The following DHX58 variants were observed in gnomAD, a reference collection of about 807,000 sequenced individuals.
The protein encoded by DHX58 is DExH-box helicase 58, also known as ATP-dependent RNA helicase DHX58.
In DHX58, 51 loss-of-function variants were observed where a neutral mutation model predicts 65.0. The observed-to-expected ratio is 0.78, with a 90% CI of 0.63 to 0.99. The LOEUF is 0.99. DHX58 is among the 50% of genes least tolerant of loss of function. The probability of loss-of-function intolerance (pLI) is 0.00; values close to 1 mark genes in which losing one functional copy is unlikely to be tolerated. For missense variants in DHX58, 773 were observed against 891.8 expected (o/e 0.87, Z 1.70); for synonymous variants, 350 against 365.0 (o/e 0.96, Z 0.47).
At chr17:42,102,857 G>A (rs1349404324) in intron 12 of DHX58, 1 of 151,902 alleles carries the variant, frequency 6.6e-6, no homozygotes, top group Non-Finnish European at 1.5e-5. Flanking sequence ...GTGCAGTGGT[G>A]CGATCTTGGC....
At chr17:42,106,258 AAGAG>A (rs375238027) in intron 8 of DHX58, among the ~76,000 whole-genome samples, 13 of 144,750 alleles carry the variant, frequency 9.0e-5, no homozygotes, top group African/African-American at 2.6e-4. Context: ...AAGGAAAAGA[AAGAG>A]AGAGAGAAAG....
intron 7 of DHX58, 77 bp from the exon 8 acceptor site, chr17:42,107,872 A>C: frequency 6.4e-7 from 1 of 1,552,260 alleles, no homozygotes. Context: ...GTCCCACTCG[A>C]CTCCACCCCT....
chr17:42,107,646 G>C lies in DHX58; in HGVS notation c.955C>G (p.Gln319Glu), dbSNP rs570220900. 3.0e-5 allele frequency: 48 copies of C among 1,612,926 alleles called. No individual in the cohort carries two copies. The highest frequency in any genetic ancestry group is 3.3e-4 in the Middle Eastern group (2 of 6,056). The part of the protein sequence containing the change: ...FYHREHVTKT[Q>E]ILCAERRLLA... ...AGCCGGCGCTCGGCACACAGGATCT[G>C]GGTTTTAGTGACGTGCTCCCTGTGA... The change falls in exon 8 of 14, where the codon CAG (glutamine) becomes GAG (glutamate). Residue 319 changes from glutamine to glutamate, a missense_variant. Physicochemically the swap from Gln to Glu is conservative, Grantham distance 29 (BLOSUM62 2). Transcript: ENST00000251642.
At chr17:42,104,646 C>T in intron 11 of DHX58, 120 bp downstream of exon 11, 6 of 1,400,566 alleles carry the variant, frequency 4.3e-6, no homozygotes, top group Non-Finnish European at 5.7e-6. Context: ...CCCTAGGTGG[C>T]CAAAGTTAGC....
At chr17:42,107,183 A>G (rs2074155) in intron 8 of DHX58, among the ~76,000 whole-genome samples, 51,527 of 151,962 alleles carry the variant, frequency 0.34, 14,245 homozygotes, top group African/African-American at 0.77. Flanking sequence ...GCAACAAAGC[A>G]AGACTCCGCC....
intron 13 of DHX58, 29 bp downstream of exon 13, chr17:42,102,186 TG>T (rs1322263773): frequency 7.4e-6 from 12 of 1,611,398 alleles, no homozygotes; most frequent in Non-Finnish European, 1.0e-5. Flanking sequence ...CTGAGGACTC[TG>T]GGGCCTGGGA....
intron 6 of DHX58, 126 bp from the exon 7 acceptor site, chr17:42,108,234 G>A (rs1378651821): frequency 1.1e-5 from 16 of 1,436,246 alleles, no homozygotes; most frequent in Admixed American, 1.0e-4. Flanking sequence ...TGTGGTGTGA[G>A]CTCCAGAGGG....
At chr17:42,109,159 T>C (rs977475600) in intron 6 of DHX58, 111 bp downstream of exon 6, 4 of 847,660 alleles carry the variant, frequency 4.7e-6, no homozygotes, top group South Asian at 1.9e-5. Context: ...CTTGGATACA[T>C]AGCAAGTGAC....
At position 42,107,632 on chromosome 17, in the gene DHX58, G is replaced by C; in HGVS notation, c.969C>G (p.Ala323=). Residue 323 remains alanine, a synonymous_variant, in exon 8 of 14, where the codon GCC becomes GCG. Coordinates refer to ENST00000251642, the MANE Select transcript of DHX58 (RefSeq NM_024119.3). ...EHVTKTQILC[A]ERRLLALFDD... is the part of the protein sequence containing the mutation. Reference sequence around the variant, plus strand: ...CGAACAGGGCCAGCAGCCGGCGCTCGGCACACAGGATCTGGGTTTTAGTGA... The same window carrying C: ...CGAACAGGGCCAGCAGCCGGCGCTCCGCACACAGGATCTGGGTTTTAGTGA... 1.3e-6 allele frequency: 2 copies of C among 1,594,344 alleles called. No homozygotes were observed. Among genetic ancestry groups the C allele is most frequent in the Non-Finnish European group, 1.7e-6 (2 of 1,167,834 alleles).
chr17:42,103,855 G>A, intron 11 of DHX58, 57 bp from the exon 12 acceptor site: 1 of 1,537,934 alleles, frequency 6.5e-7, no homozygotes, highest in Non-Finnish European at 8.8e-7. Flanking sequence ...TTCCTTGGGG[G>A]ACAAAAGGTT....
Position 42,102,327 on chromosome 17 carries a change from G to C in DHX58, c.1755-15C>G. The C allele has an allele frequency of 1.2e-6, 2 of 1,608,394 alleles. No homozygotes were observed. The highest frequency in any genetic ancestry group is 1.7e-6 in the Non-Finnish European group (2 of 1,174,866). On this transcript the variant is annotated splice_polypyrimidine_tract_variant and intron_variant, in intron 12 of 13. Coordinates refer to ENST00000251642, the MANE Select transcript of DHX58 (RefSeq NM_024119.3). Reference sequence around the variant, plus strand: ...TATAGTAGTTCCTGGAGAGGAAGGGGGGTGGCCACAGCCCTCATTGACCCT... The same window carrying C: ...TATAGTAGTTCCTGGAGAGGAAGGGCGGTGGCCACAGCCCTCATTGACCCT...
intron 8 of DHX58, among the ~76,000 whole-genome samples, chr17:42,106,643 C>CA (rs1162028901): frequency 6.6e-6 from 1 of 151,606 alleles, no homozygotes; most frequent in Non-Finnish European, 1.5e-5. Context: ...ACTAAAAATA[C>CA]AAAAAAATTA....
chr17:42,107,997 TCAC>T lies in DHX58; in HGVS notation c.787_789del (p.Val263del). 6.2e-7 allele frequency: 1 copy of T among 1,614,214 alleles called. No individual in the cohort carries two copies. Among genetic ancestry groups the T allele is most frequent in the Non-Finnish European group, 8.5e-7 (1 of 1,180,036 alleles). ...CCCCTCTCACCAGCCTCACTCAGCT[TCAC>T]CACCTGCTGCTCATACATTTGCGTC... On this transcript the variant is annotated inframe_deletion, in exon 7 of 14. Coordinates refer to ENST00000251642, the MANE Select transcript of DHX58 (RefSeq NM_024119.3).
At chr17:42,108,175 T>C in intron 6 of DHX58, 67 bp from the exon 7 acceptor site, 2 of 1,607,748 alleles carry the variant, frequency 1.2e-6, no homozygotes, top group Non-Finnish European at 1.7e-6. Flanking sequence ...GTGGGGGTGC[T>C]GACCCCGGCG....
At chr17:42,104,676 A>AG in intron 11 of DHX58, 90 bp downstream of exon 11, 1 of 1,523,124 alleles carries the variant, frequency 6.6e-7, no homozygotes, top group Non-Finnish European at 8.9e-7. Flanking sequence ...TAGAGGGGAC[A>AG]GGGGGACGTA....
At chr17:42,103,483 C>G (rs1555661899) in intron 12 of DHX58, 125 bp downstream of exon 12, 1 of 1,237,754 alleles carries the variant, frequency 8.1e-7, no homozygotes, top group Non-Finnish European at 1.1e-6. Flanking sequence ...CCTGTCTAAC[C>G]AGATTATTGT....
In DHX58 at chr17:42,108,112, A is replaced by T. The variant is rs1555663225; in HGVS notation, c.679-4T>A. 1.2e-6 allele frequency: 2 copies of T among 1,614,080 alleles called. No homozygotes were observed. The highest frequency in any genetic ancestry group is 1.7e-6 in the Non-Finnish European group (2 of 1,180,048). On this transcript the variant is annotated splice_polypyrimidine_tract_variant and splice_region_variant and intron_variant, in intron 6 of 13. Coordinates refer to ENST00000251642, the MANE Select transcript of DHX58 (RefSeq NM_024119.3). ...TCAGCAAGTCCCCAAACGGATCCTG[A>T]GCAAGAGGAGAGTTGGAGGGGATTC...
At chr17:42,103,498 AT>A in intron 12 of DHX58, 109 bp downstream of exon 12, 2 of 1,354,546 alleles carry the variant, frequency 1.5e-6, no homozygotes, top group Non-Finnish European at 2.0e-6. Flanking sequence ...TATTGTGAAA[AT>A]GCAAAGTACT....
Position 42,102,306 on chromosome 17 carries a change from G to T in DHX58, c.1761C>A (p.Tyr587Ter). ...HVNVNPNFSN[Y>*]YNVSRDPVVI... is the part of the protein sequence containing the mutation. The stretch of plus-strand genomic sequence containing the variant: ...CCACAGGATCCCTGGAGACATTATA[G>T]TAGTTCCTGGAGAGGAAGGGGGGTG... Residue 587 changes from tyrosine (Y) to a stop codon, truncating the protein, a stop_gained, in exon 13 of 14, where the codon TAC becomes TAA. Transcript: ENST00000251642. LOFTEE classifies it high-confidence loss of function. 2 of 1,614,096 alleles carry T rather than the reference G, an allele frequency of 1.2e-6. No homozygotes were observed. Among genetic ancestry groups the T allele is most frequent in the Non-Finnish European group, 1.7e-6 (2 of 1,179,958 alleles).
Sources: allele counts gnomAD v4.1 joint callset (sites outside exome capture counted in the v4.1 genomes callset), GRCh38; gene constraint gnomAD v4.1.1; transcripts MANE v1.5; gene names NCBI Gene and HGNC (gene_info 2026-07-23, HGNC 2026-07-21).